The following SLC14A2 variants were observed in gnomAD, a reference collection of about 807,000 sequenced individuals.
SLC14A2 encodes the protein urea transporter 2.
SLC14A2 carries 91 observed loss-of-function variants against 104.6 expected under a neutral mutation model. That is an observed-to-expected ratio of 0.87 (90% confidence interval 0.73 to 1.04). The LOEUF (loss-of-function observed/expected upper bound fraction) is 1.04. Ranked by LOEUF, SLC14A2 falls within the 50% of genes least tolerant of loss-of-function variation. The pLI is 0.00. For missense variants in SLC14A2, 1,189 were observed against 1,156.0 expected (o/e 1.03, Z -0.41); for synonymous variants, 476 against 466.4 (o/e 1.02, Z -0.27).
intron 1 of SLC14A2, among the ~76,000 whole-genome samples, chr18:45,259,310 A>G (rs117354958): frequency 0.027 from 4,166 of 152,320 alleles, 74 homozygotes; most frequent in Non-Finnish European, 0.044. Context: ...AAGAAATAAT[A>G]TGTTGGAGAG....
At chr18:45,321,499 A>G (rs1474446849) in intron 1 of SLC14A2, among the ~76,000 whole-genome samples, 3 of 152,190 alleles carry the variant, frequency 2.0e-5, no homozygotes, top group Non-Finnish European at 4.4e-5. Flanking sequence ...AACTGTAGTC[A>G]CTGACACATC....
At chr18:45,389,032 A>T (rs566721010) in intron 1 of SLC14A2, among the ~76,000 whole-genome samples, 1 of 152,366 alleles carries the variant, frequency 6.6e-6, no homozygotes, top group African/African-American at 2.4e-5. Context: ...AATTTGCATT[A>T]ACCCTTTGAG....
intron 1 of SLC14A2, among the ~76,000 whole-genome samples, chr18:45,418,666 C>T (rs1187621003): frequency 6.6e-6 from 1 of 152,164 alleles, no homozygotes; most frequent in Non-Finnish European, 1.5e-5. Flanking sequence ...TGGATGGCAT[C>T]AGAAAGTCAT....
Position 45,678,197 on chromosome 18 carries a change from A to AAT in SLC14A2, c.2513-774_2513-773dup, listed in dbSNP as rs1023042343. Among the ~76,000 whole-genome samples, 7 of 152,262 alleles carry AAT rather than the reference A, an allele frequency of 4.6e-5. No homozygotes were observed. In the East Asian group the frequency reaches 1.4e-3, roughly 29 times the overall value. On this transcript the variant is annotated intron_variant, in intron 18 of 19. Transcript: ENST00000255226. ...AAACAAAAGGGGCTTCTCCAACTGA[A>AAT]ATATAGGCTGAACAGTCATATTATT... is the stretch of plus-strand genomic sequence containing the variant.
chr18:45,240,429 C>T (rs2084302038), intron 1 of SLC14A2, among the ~76,000 whole-genome samples: 1 of 152,076 alleles, frequency 6.6e-6, no homozygotes, highest in African/African-American at 2.4e-5. Context: ...TTCCTTTCCT[C>T]TGGATAGGAT....
chr18:45,611,285 C>G (rs941745998), upstream of SLC14A2, among the ~76,000 whole-genome samples: 2 of 152,156 alleles, frequency 1.3e-5, no homozygotes, highest in Non-Finnish European at 2.9e-5. Flanking sequence ...GATTTCTACC[C>G]CCTCCCAGGG....
At chr18:45,297,241 A>AT (rs1420012321) in intron 1 of SLC14A2, among the ~76,000 whole-genome samples, 1 of 152,250 alleles carries the variant, frequency 6.6e-6, no homozygotes, top group Non-Finnish European at 1.5e-5. Context: ...GCAACTATTG[A>AT]AAGACAGTTT....
intron 1 of SLC14A2, among the ~76,000 whole-genome samples, chr18:45,341,107 C>T (rs1180181654): frequency 6.6e-6 from 1 of 151,270 alleles, no homozygotes; most frequent in Non-Finnish European, 1.5e-5. Context: ...GACAACTGAC[C>T]AAGATTGTGG....
the SLC14A2 span, among the ~76,000 whole-genome samples, chr18:45,173,470 T>C: frequency 2.7e-5 from 4 of 150,812 alleles, no homozygotes; most frequent in African/African-American, 9.8e-5. Flanking sequence ...TTTCTCTTTT[T>C]ACAAAAAGGG....
chr18:45,292,143 A>G (rs1020450174), intron 1 of SLC14A2, among the ~76,000 whole-genome samples: 2 of 152,164 alleles, frequency 1.3e-5, no homozygotes, highest in African/African-American at 4.8e-5. Context: ...TATTCCATGA[A>G]ACAGTTAGGG....
chr18:45,495,195 A>AAGAC (rs1005497846), intron 2 of SLC14A2, among the ~76,000 whole-genome samples: 1 of 152,328 alleles, frequency 6.6e-6, no homozygotes, highest in East Asian at 1.9e-4. Flanking sequence ...GAAGAAAGAA[A>AAGAC]AGACAGACAG....
intron 4 of SLC14A2, among the ~76,000 whole-genome samples, chr18:45,627,447 T>C (rs1168394447): frequency 1.3e-5 from 2 of 152,138 alleles, no homozygotes; most frequent in Non-Finnish European, 2.9e-5. Context: ...GGAGACAAGA[T>C]TAATAGGCAA....
chr18:45,586,941 TAAG>T (rs2044574480), intron 2 of SLC14A2, among the ~76,000 whole-genome samples: 1 of 151,980 alleles, frequency 6.6e-6, no homozygotes, highest in African/African-American at 2.4e-5. Flanking sequence ...TATGCAGGAG[TAAG>T]AATAACTGTC....
intron 1 of SLC14A2, among the ~76,000 whole-genome samples, chr18:45,342,661 C>T (rs564507880): frequency 6.6e-6 from 1 of 152,270 alleles, no homozygotes; most frequent in East Asian, 1.9e-4. Context: ...TGTTTGTTTG[C>T]ACCACAATAT....
chr18:45,333,794 A>G (rs1161054500), intron 1 of SLC14A2, among the ~76,000 whole-genome samples: 1 of 152,230 alleles, frequency 6.6e-6, no homozygotes, highest in Non-Finnish European at 1.5e-5. Context: ...GACTCCATTC[A>G]TTAATTTAAT....
chr18:45,240,780 G>A (rs951737820), intron 1 of SLC14A2, among the ~76,000 whole-genome samples: 19 of 151,604 alleles, frequency 1.3e-4, no homozygotes, highest in African/African-American at 4.6e-4. Context: ...GCCTCAGCCT[G>A]CCGAGTAGCT....
chr18:45,305,008 AC>A (rs113902458), intron 1 of SLC14A2, among the ~76,000 whole-genome samples: 24,865 of 152,092 alleles, frequency 0.16, 2,239 homozygotes, highest in African/African-American at 0.22. Context: ...GGCAGAAACT[AC>A]CCCCTGAGAA....
intron 1 of SLC14A2, among the ~76,000 whole-genome samples, chr18:45,464,107 C>G (rs1175093627): frequency 6.6e-6 from 1 of 152,176 alleles, no homozygotes; most frequent in Non-Finnish European, 1.5e-5. Flanking sequence ...CAGTTTCCTC[C>G]CTTGTTAAAG....
chr18:45,392,063 T>A (rs2085974859), intron 1 of SLC14A2, among the ~76,000 whole-genome samples: 1 of 152,236 alleles, frequency 6.6e-6, no homozygotes, highest in African/African-American at 2.4e-5. Context: ...GTAAGCAATG[T>A]CTAGAGAAGT....
Sources: allele counts gnomAD v4.1 joint callset (sites outside exome capture counted in the v4.1 genomes callset), GRCh38; gene constraint gnomAD v4.1.1; transcripts MANE v1.5; gene names NCBI Gene and HGNC (gene_info 2026-07-23, HGNC 2026-07-21).